Variants in SDCCAG8 observed in about 807,000 individuals in gnomAD.
The protein encoded by SDCCAG8 is serologically defined colon cancer antigen 8.
Under a neutral mutation model 101.8 loss-of-function variants are expected in SDCCAG8, and 74 were observed. That is an observed-to-expected ratio of 0.73 (90% CI 0.60 to 0.88). The LOEUF is 0.88. SDCCAG8 is among the 40% of genes least tolerant of loss of function. The pLI, the probability that SDCCAG8 is intolerant of heterozygous loss-of-function variation, is 0.00. For synonymous variants in SDCCAG8, 281 were observed against 292.9 expected (o/e 0.96, Z 0.41); for missense variants, 787 against 822.6 (o/e 0.96, Z 0.53).
intron 8 of SDCCAG8, among the ~76,000 whole-genome samples, chr1:243,312,943 A>G (rs925371966): frequency 6.6e-5 from 10 of 152,316 alleles, no homozygotes; most frequent in Admixed American, 5.9e-4. Flanking sequence ...TAAGGGAGGT[A>G]AGAGTAACAG....
chr1:243,322,201 T>C (rs1474229340), intron 9 of SDCCAG8, among the ~76,000 whole-genome samples: 1 of 152,212 alleles, frequency 6.6e-6, no homozygotes, highest in Non-Finnish European at 1.5e-5. Flanking sequence ...AAGGCTTTAT[T>C]GCAAGTTGAC....
chr1:243,456,062 T>C (rs1008683300), intron 16 of SDCCAG8, among the ~76,000 whole-genome samples: 5 of 152,210 alleles, frequency 3.3e-5, no homozygotes, highest in Non-Finnish European at 5.9e-5. Context: ...GCTCAGAGCA[T>C]GGACCCAGTC....
At chr1:243,487,245 C>T (rs1665127009) in intron 16 of SDCCAG8, among the ~76,000 whole-genome samples, 2 of 152,142 alleles carry the variant, frequency 1.3e-5, no homozygotes, top group Admixed American at 1.3e-4. Context: ...CTCCCGGCCG[C>T]TCACTGTTCA....
At chr1:243,424,704 G>T (rs1362582890) in intron 15 of SDCCAG8, among the ~76,000 whole-genome samples, 1 of 151,866 alleles carries the variant, frequency 6.6e-6, no homozygotes, top group Non-Finnish European at 1.5e-5. Flanking sequence ...TGCAAAGAAA[G>T]GTTGTTTCTA....
At chr1:243,455,196 A>T (rs1184111780) in intron 16 of SDCCAG8, among the ~76,000 whole-genome samples, 1 of 152,228 alleles carries the variant, frequency 6.6e-6, no homozygotes, top group Non-Finnish European at 1.5e-5. Context: ...GGAATTTTGA[A>T]GTTTTATTTT....
chr1:243,444,326 T>G (rs2082748534), intron 16 of SDCCAG8, among the ~76,000 whole-genome samples: 1 of 152,112 alleles, frequency 6.6e-6, no homozygotes, highest in South Asian at 2.1e-4. Context: ...AGGCTTAACT[T>G]TATTTTAGTT....
At chr1:243,496,577 G>A (rs1284490870) in intron 17 of SDCCAG8, among the ~76,000 whole-genome samples, 1 of 152,234 alleles carries the variant, frequency 6.6e-6, no homozygotes, top group Non-Finnish European at 1.5e-5. Flanking sequence ...CCTTCAGAAG[G>A]GTTGGCTAGA....
intron 13 of SDCCAG8, among the ~76,000 whole-genome samples, chr1:243,404,066 A>G (rs1314917981): frequency 6.6e-6 from 1 of 152,190 alleles, no homozygotes; most frequent in Non-Finnish European, 1.5e-5. Context: ...CTGTTCTCTA[A>G]ACTTCTGCCT....
At chr1:243,391,675 T>C (rs2078708963) in intron 13 of SDCCAG8, among the ~76,000 whole-genome samples, 1 of 152,254 alleles carries the variant, frequency 6.6e-6, no homozygotes, top group South Asian at 2.1e-4. Context: ...GGCATCCCTT[T>C]GACACCTTTC....
chr1:243,256,338 C>T (rs962059373), intron 1 of SDCCAG8, 98 bp downstream of exon 1: 8 of 926,012 alleles, frequency 8.6e-6, no homozygotes, highest in East Asian at 2.4e-5. Context: ...GGTTCTGCCC[C>T]GTCCACGCTA....
intron 10 of SDCCAG8, among the ~76,000 whole-genome samples, chr1:243,339,873 A>T (rs1417022038): frequency 2.6e-5 from 4 of 152,224 alleles, no homozygotes; most frequent in Non-Finnish European, 1.5e-5. Flanking sequence ...ATGTGTCACC[A>T]GTTCTTGTTT....
chr1:243,490,058 C>T (rs1241250379), intron 17 of SDCCAG8, among the ~76,000 whole-genome samples: 2 of 152,206 alleles, frequency 1.3e-5, no homozygotes, highest in Non-Finnish European at 2.9e-5. Flanking sequence ...GCCCTGGGGA[C>T]TTCAGGCAGT....
At chr1:243,353,317 C>T (rs2076188322) in intron 12 of SDCCAG8, among the ~76,000 whole-genome samples, 2 of 151,004 alleles carry the variant, frequency 1.3e-5, no homozygotes, top group South Asian at 2.1e-4. Flanking sequence ...GTGGTAAAAC[C>T]GTGCATCTAC....
At chr1:243,324,297 G>T (rs753733245) in intron 9 of SDCCAG8, among the ~76,000 whole-genome samples, 25 of 152,076 alleles carry the variant, frequency 1.6e-4, no homozygotes, top group Middle Eastern at 3.4e-3. Context: ...GTCCTGGCTT[G>T]CATTCTTTAA....
chr1:243,365,926 A>T (rs951934195), intron 12 of SDCCAG8, among the ~76,000 whole-genome samples: 4 of 152,086 alleles, frequency 2.6e-5, no homozygotes, highest in Admixed American at 2.0e-4. Context: ...CCATTTTGAA[A>T]TGACCTTTAG....
intron 10 of SDCCAG8, among the ~76,000 whole-genome samples, chr1:243,332,503 C>T (rs937546691): frequency 1.3e-5 from 2 of 150,790 alleles, no homozygotes; most frequent in African/African-American, 4.9e-5. Context: ...TATCATAATC[C>T]AGCTCTGGAG....
At chr1:243,273,888 A>C (rs575247742) in intron 3 of SDCCAG8, among the ~76,000 whole-genome samples, 1 of 152,104 alleles carries the variant, frequency 6.6e-6, no homozygotes, top group Non-Finnish European at 1.5e-5. Flanking sequence ...GCTTTTTATA[A>C]CCACTTTCAC....
chr1:243,323,540 G>A (rs2073926626), intron 9 of SDCCAG8, among the ~76,000 whole-genome samples: 1 of 151,554 alleles, frequency 6.6e-6, no homozygotes, highest in African/African-American at 2.4e-5. Flanking sequence ...CCCTCATCCT[G>A]CCCACAGCCT....
In SDCCAG8 at chr1:243,316,894, G is replaced by A; in HGVS notation, c.1068+1G>A. On this transcript the variant is annotated splice_donor_variant, in intron 9 of 17. Coordinates refer to ENST00000366541, the MANE Select transcript of SDCCAG8 (RefSeq NM_006642.5). LOFTEE classifies it high-confidence loss of function. Reference sequence around the variant, plus strand: ...GGAAGCCAATTTTGAAAAAACCAAGGCAAGTCTAATAAGATGCAAATAAAA... The same window carrying A: ...GGAAGCCAATTTTGAAAAAACCAAGACAAGTCTAATAAGATGCAAATAAAA... 2 of 1,613,894 alleles carry A rather than the reference G, an allele frequency of 1.2e-6. No individual in the cohort carries two copies. The highest frequency in any genetic ancestry group is 8.5e-7 in the Non-Finnish European group (1 of 1,179,884).
Sources: gnomAD v4.1 joint callset for allele counts (sites outside exome capture counted in the v4.1 genomes callset) on GRCh38, gnomAD v4.1.1 for gene constraint, MANE v1.5 for transcripts, NCBI Gene and HGNC (gene_info 2026-07-23, HGNC 2026-07-21) for gene names.